The following SLIT3 variants were observed in gnomAD, a reference collection of about 807,000 sequenced individuals.
SLIT3 encodes the protein slit guidance ligand 3.
Under a neutral mutation model 184.0 loss-of-function variants are expected in SLIT3, and 68 were observed. The ratio of observed to expected loss-of-function variants is 0.37; its 90% CI spans 0.30 to 0.45. SLIT3 has a LOEUF of 0.45. Ranked by LOEUF, SLIT3 falls within the 20% of genes least tolerant of loss-of-function variation. SLIT3 has a pLI of 1.00. For synonymous variants in SLIT3, 831 were observed against 828.6 expected, an observed-to-expected ratio of 1.00 and a Z score of -0.05; for missense variants, 1,707 against 2,026.0, an observed-to-expected ratio of 0.84 and a Z score of 3.02.
intron 27 of SLIT3, among the ~76,000 whole-genome samples, chr5:168,699,025 A>C (rs1762140720): frequency 6.6e-6 from 1 of 152,178 alleles, no homozygotes; most frequent in African/African-American, 2.4e-5. Context: ...TGGGTGGGGC[A>C]GCCCAGGCTG....
At chr5:168,979,056 C>T (rs1345496718) in intron 4 of SLIT3, among the ~76,000 whole-genome samples, 2 of 152,162 alleles carry the variant, frequency 1.3e-5, no homozygotes, top group African/African-American at 2.4e-5. Flanking sequence ...AATTGTCCTT[C>T]CTTTGGTTTC....
chr5:169,198,993 TA>T (rs1763830333), intron 3 of SLIT3, among the ~76,000 whole-genome samples: 1 of 143,590 alleles, frequency 7.0e-6, no homozygotes, highest in Non-Finnish European at 1.6e-5. Flanking sequence ...TGTATATTTA[TA>T]TATATATATA....
At chr5:168,848,553 C>T (rs1758561896) in intron 5 of SLIT3, among the ~76,000 whole-genome samples, 1 of 151,886 alleles carries the variant, frequency 6.6e-6, no homozygotes, top group African/African-American at 2.4e-5. Context: ...GCCAAGAAGC[C>T]CCAAAATGTT....
intron 4 of SLIT3, among the ~76,000 whole-genome samples, chr5:169,131,102 G>C (rs952621167): frequency 2.0e-5 from 3 of 152,204 alleles, no homozygotes; most frequent in Non-Finnish European, 4.4e-5. Context: ...AAATAACATA[G>C]CTATAGACAG....
chr5:169,212,470 GTT>G (rs201569179), intron 3 of SLIT3, among the ~76,000 whole-genome samples: 2 of 78,646 alleles, frequency 2.5e-5, no homozygotes, highest in African/African-American at 1.2e-4. Context: ...GGGGTTGTAT[GTT>G]TTTTTTTCTT....
At chr5:169,185,809 G>C (rs1381868949) in intron 4 of SLIT3, among the ~76,000 whole-genome samples, 1 of 152,128 alleles carries the variant, frequency 6.6e-6, no homozygotes, top group African/African-American at 2.4e-5. Flanking sequence ...TAGGCGCCTG[G>C]CACTTTAGTT....
rs189533661 is a variant in SLIT3 at position 168,987,580 on chromosome 5, G to T, written c.414-104244C>A. ...AGATACTACATGCAAACTGCTAAGC[G>T]TATTTATCACATGCACACAGTAAAG... On this transcript the variant is annotated intron_variant, in intron 4 of 35. Coordinates refer to ENST00000519560, the MANE Select transcript of SLIT3 (RefSeq NM_003062.4). 4.4e-3 allele frequency among the ~76,000 whole-genome samples: 671 copies of T among 152,334 alleles called. 6 individuals carry two copies. The highest frequency in any genetic ancestry group is 6.3e-3 in the Non-Finnish European group (427 of 68,036).
chr5:168,975,460 C>A (rs376315189), intron 4 of SLIT3, among the ~76,000 whole-genome samples: 1 of 151,922 alleles, frequency 6.6e-6, no homozygotes, highest in Non-Finnish European at 1.5e-5. Flanking sequence ...CAGACACCCC[C>A]CCACACACAC....
At chr5:168,922,551 C>G (rs1761674002) in intron 4 of SLIT3, among the ~76,000 whole-genome samples, 1 of 151,382 alleles carries the variant, frequency 6.6e-6, no homozygotes, top group Non-Finnish European at 1.5e-5. Flanking sequence ...TGAGAACAGG[C>G]TGACCAAGAT....
intron 4 of SLIT3, among the ~76,000 whole-genome samples, chr5:169,155,301 T>G (rs1327236393): frequency 2.0e-5 from 3 of 152,184 alleles, no homozygotes; most frequent in Non-Finnish European, 4.4e-5. Flanking sequence ...GCAAGACTGT[T>G]CCAACCACCG....
intron 4 of SLIT3, among the ~76,000 whole-genome samples, chr5:169,181,109 C>T (rs906876471): frequency 3.3e-5 from 5 of 152,216 alleles, no homozygotes; most frequent in Non-Finnish European, 5.9e-5. Context: ...TTCCCCCAAC[C>T]ATCACTGCAG....
chr5:169,050,434 T>C (rs1410375868), intron 4 of SLIT3, among the ~76,000 whole-genome samples: 2 of 152,172 alleles, frequency 1.3e-5, no homozygotes, highest in Non-Finnish European at 2.9e-5. Context: ...TCTGACCAGC[T>C]TACCCAGCAC....
In SLIT3 at chr5:168,666,271, C is replaced by T; in HGVS notation, c.*183G>A. The stretch of plus-strand genomic sequence containing the variant: ...TTATATAATAAAAGATGAAAATAGT[C>T]ACTTTCCATAATAAAAATAAGTTCT... On this transcript the variant is annotated 3_prime_UTR_variant, in exon 36 of 36. Transcript: ENST00000519560. 1 of 511,074 alleles carries T rather than the reference C, an allele frequency of 2.0e-6. No individual in the cohort carries two copies. The highest frequency in any genetic ancestry group is 3.3e-6 in the Non-Finnish European group (1 of 304,742). The allele number at this position is 511,074 out of a possible 1,614,324, so 31.7% of individuals were successfully genotyped here. A position where few individuals can be genotyped will look rare whatever the true frequency, so the allele number is the denominator to read the frequency against.
chr5:168,752,608 T>C, intron 18 of SLIT3: 1 of 222,956 alleles, frequency 4.5e-6, no homozygotes. Context: ...TTGGTCAGGC[T>C]GGTTTCGAAT....
chr5:168,798,223 C>CTT lies in SLIT3; in HGVS notation c.936-2647_936-2646dup, dbSNP rs747746239. On this transcript the variant is annotated intron_variant, in intron 9 of 35. Transcript: ENST00000519560. Reference sequence around the variant, plus strand: ...TTGGTTTTCTTTTCTTCTTCTTCTTCTTTTTTTTTTTTTTTTAAGAGACAG... The same window carrying CTT: ...TTGGTTTTCTTTTCTTCTTCTTCTTCTTTTTTTTTTTTTTTTTTAAGAGACAG... Among the ~76,000 whole-genome samples the CTT allele has an allele frequency of 9.1e-4, 99 of 109,020 alleles. 2 individuals are homozygous for CTT. Among genetic ancestry groups the CTT allele is most frequent in the African/African-American group, 4.1e-3 (90 of 21,986 alleles). The allele number at this position is 109,020 out of a possible 152,430, so 71.5% of individuals were successfully genotyped here.
intron 27 of SLIT3, 97 bp from the exon 28 acceptor site, chr5:168,696,528 TA>T: frequency 2.8e-6 from 4 of 1,428,852 alleles, no homozygotes; most frequent in Non-Finnish European, 3.9e-6. Flanking sequence ...GAAATACAAT[TA>T]GTTTTTCCTC....
chr5:168,814,088 G>A (rs937342239), intron 8 of SLIT3, among the ~76,000 whole-genome samples: 21 of 152,258 alleles, frequency 1.4e-4, no homozygotes, highest in African/African-American at 5.1e-4. Flanking sequence ...GGCATTTGGG[G>A]TTTTTGCAGT....
At chr5:168,814,526 G>C (rs938161958) in intron 8 of SLIT3, among the ~76,000 whole-genome samples, 1 of 151,614 alleles carries the variant, frequency 6.6e-6, no homozygotes, top group Non-Finnish European at 1.5e-5. Context: ...GGTGGCGTGT[G>C]GAGTGTGGTC....
chr5:169,214,081 T>C (rs1764357063), intron 3 of SLIT3, among the ~76,000 whole-genome samples: 1 of 151,682 alleles, frequency 6.6e-6, no homozygotes, highest in Admixed American at 6.6e-5. Flanking sequence ...ACTAAACTCA[T>C]CAAGTCTCAG....
Sources: gnomAD v4.1 joint callset for allele counts (sites outside exome capture counted in the v4.1 genomes callset) on GRCh38, gnomAD v4.1.1 for gene constraint, MANE v1.5 for transcripts, NCBI Gene and HGNC (gene_info 2026-07-23, HGNC 2026-07-21) for gene names.